TMEM38B: variants seen among roughly 807,000 people sequenced by gnomAD.
The protein encoded by TMEM38B is trimeric intracellular cation channel type B.
In TMEM38B, 24 loss-of-function variants were observed where a neutral mutation model predicts 28.7. The ratio of observed to expected loss-of-function variants is 0.84; its 90% confidence interval spans 0.61 to 1.18. The LOEUF is 1.18. Among genes scored for constraint, TMEM38B ranks in the 50% most tolerant of loss-of-function variants. The pLI is 0.00. For synonymous variants in TMEM38B, 131 were observed against 127.7 expected (o/e 1.03, Z -0.17); for missense variants, 380 against 350.9 (o/e 1.08, Z -0.66).
intron 1 of TMEM38B, among the ~76,000 whole-genome samples, chr9:105,699,346 A>G (rs527502948): frequency 1.6e-4 from 24 of 152,310 alleles, no homozygotes; most frequent in South Asian, 1.4e-3. Context: ...TCTAGAACTC[A>G]CACCTACAGT....
intron 2 of TMEM38B, among the ~76,000 whole-genome samples, chr9:105,707,136 C>A (rs1353830615): frequency 6.6e-6 from 1 of 152,014 alleles, no homozygotes; most frequent in Admixed American, 6.6e-5. Flanking sequence ...AGTATTTGGC[C>A]CTAGAGTTTA....
chr9:105,732,144 C>G (rs973511441), intron 4 of TMEM38B, among the ~76,000 whole-genome samples: 1 of 152,064 alleles, frequency 6.6e-6, no homozygotes, highest in East Asian at 1.9e-4. Context: ...ACCCACTTTT[C>G]GATGGGGTTG....
intron 5 of TMEM38B, among the ~76,000 whole-genome samples, chr9:105,756,034 C>CA (rs560036785): frequency 1.5e-3 from 235 of 152,164 alleles, no homozygotes; most frequent in African/African-American, 5.3e-3. Context: ...AGTTCAAGAC[C>CA]AGTCTGGCCA....
chr9:105,703,978 A>G (rs1417293434), intron 1 of TMEM38B, among the ~76,000 whole-genome samples: 1 of 151,982 alleles, frequency 6.6e-6, no homozygotes, highest in East Asian at 1.9e-4. Context: ...AAACTATCGC[A>G]AGAACAAAAA....
chr9:105,711,657 G>T (rs1835907804), intron 2 of TMEM38B, among the ~76,000 whole-genome samples: 1 of 151,342 alleles, frequency 6.6e-6, no homozygotes, highest in African/African-American at 2.4e-5. Flanking sequence ...GTAAAACCTG[G>T]TCTCTACCAA....
intron 5 of TMEM38B, among the ~76,000 whole-genome samples, chr9:105,755,010 C>A (rs1478738925): frequency 2.0e-5 from 3 of 152,114 alleles, no homozygotes; most frequent in African/African-American, 7.2e-5. Flanking sequence ...ACTAGAAACA[C>A]CTCTATGCAA....
chr9:105,748,134 G>C lies in TMEM38B; in HGVS notation c.604G>C (p.Ala202Pro). 6.2e-7 allele frequency: 1 copy of C among 1,613,486 alleles called. No individual in the cohort carries two copies. The highest frequency in any genetic ancestry group is 8.5e-7 in the Non-Finnish European group (1 of 1,179,652). The change falls in exon 5 of 6, where the codon GCA becomes CCA. Residue 202 changes from alanine to proline, a missense_variant. Ala to Pro is a conservative substitution (Grantham distance 27). Transcript: ENST00000374692. The part of the protein sequence containing the change: ...IFTFQHTQHL[A>P]ISKHNLMFLY... ...CACATTCCAGCACACCCAGCATCTG[G>C]CAATATCAAAGCATAATCTTATGTT...
At chr9:105,753,306 A>G (rs1300177329) in intron 5 of TMEM38B, among the ~76,000 whole-genome samples, 1 of 152,172 alleles carries the variant, frequency 6.6e-6, no homozygotes, top group Admixed American at 6.5e-5. Flanking sequence ...AAGTTCAGGA[A>G]ATCCAGGGAA....
intron 5 of TMEM38B, chr9:105,749,225 G>A: frequency 3.1e-6 from 2 of 655,476 alleles, no homozygotes; most frequent in Non-Finnish European, 4.4e-6. Flanking sequence ...TCCATACTGT[G>A]TTAGTCTGTT....
chr9:105,757,756 C>G (rs938961041), intron 5 of TMEM38B, among the ~76,000 whole-genome samples: 1 of 151,972 alleles, frequency 6.6e-6, no homozygotes, highest in South Asian at 2.1e-4. Flanking sequence ...ACTTGGTGAC[C>G]TTAGTAAAAG....
Position 105,760,280 on chromosome 9 carries a change from T to C in TMEM38B, c.660+12090T>C, listed in dbSNP as rs2133637971. ...ATACATACCTTTTCTCGATGTGTGC[T>C]ATGCTGTGCTGAAAAAGTGGATCTT... On this transcript the variant is annotated intron_variant, in intron 5 of 5. Coordinates refer to ENST00000374692, the MANE Select transcript of TMEM38B (RefSeq NM_018112.3). The C allele has an allele frequency of 3.8e-6, 3 of 785,676 alleles. No homozygotes were observed. In the South Asian group the frequency reaches 4.1e-5, roughly 11 times the overall value. 48.7% of individuals were successfully genotyped at this position (785,676 alleles called of 1,614,324 possible). A position where few individuals can be genotyped will look rare whatever the true frequency, so the allele number is the denominator to read the frequency against.
chr9:105,708,039 A>T (rs936388539), intron 2 of TMEM38B, among the ~76,000 whole-genome samples: 4 of 152,240 alleles, frequency 2.6e-5, no homozygotes, highest in South Asian at 2.1e-4. Context: ...TTCCTATAAT[A>T]CTAACCTCCT....
Position 105,694,553 on chromosome 9 carries a change from G to T in TMEM38B, c.-108G>T, listed in dbSNP as rs549658848. 1.1e-5 allele frequency: 8 copies of T among 724,446 alleles called. No homozygotes were observed. Among genetic ancestry groups the T allele is most frequent in the African/African-American group, 3.8e-5 (2 of 52,678 alleles). 44.9% of individuals were successfully genotyped at this position (724,446 alleles called of 1,614,324 possible). A position where few individuals can be genotyped will look rare whatever the true frequency, so the allele number is the denominator to read the frequency against. ...AGGGCGCACGCGCGGAGCTGGAGCC[G>T]GCGCGGAGGAGCGGGCGGCCGCGGC... is the stretch of plus-strand genomic sequence containing the variant. On this transcript the variant is annotated 5_prime_UTR_variant, in exon 1 of 6. Coordinates refer to ENST00000374692, the MANE Select transcript of TMEM38B (RefSeq NM_018112.3).
At chr9:105,771,237 T>G (rs1217337151) in intron 5 of TMEM38B, among the ~76,000 whole-genome samples, 1 of 152,198 alleles carries the variant, frequency 6.6e-6, no homozygotes, top group Non-Finnish European at 1.5e-5. Flanking sequence ...AGTTTTATAT[T>G]TTATTTGTAA....
intron 4 of TMEM38B, among the ~76,000 whole-genome samples, chr9:105,724,455 TCTA>T (rs1365823393): frequency 2.0e-5 from 3 of 151,960 alleles, no homozygotes; most frequent in Admixed American, 6.6e-5. Context: ...AAACCCCGTC[TCTA>T]CTAAAAATAC....
intron 4 of TMEM38B, among the ~76,000 whole-genome samples, chr9:105,733,425 T>TC (rs1554778354): frequency 1.3e-5 from 2 of 150,420 alleles, no homozygotes; most frequent in African/African-American, 2.5e-5. Flanking sequence ...TTTTTTCTTT[T>TC]TTTTTTTTTT....
intron 5 of TMEM38B, chr9:105,760,015 A>G: frequency 7.0e-7 from 1 of 1,433,472 alleles, no homozygotes; most frequent in South Asian, 1.2e-5. Flanking sequence ...ACTCTGCAAA[A>G]GTTCAATAGA....
In TMEM38B at chr9:105,764,516, A is replaced by C. The variant is rs185791521; in HGVS notation, c.661-9349A>C. On this transcript the variant is annotated intron_variant, in intron 5 of 5. Transcript: ENST00000374692. ...AAGAGAATGAAATACCTAGGAATCC[A>C]ACTTACAAGGGATGTGAAGGACCTC... Among the ~76,000 whole-genome samples the C allele has an allele frequency of 8.2e-3, 1,244 of 152,310 alleles. 6 individuals carry two copies. Among genetic ancestry groups the C allele is most frequent in the African/African-American group, 8.4e-3 (350 of 41,576 alleles).
chr9:105,748,477 G>A (rs1215944961), intron 5 of TMEM38B, among the ~76,000 whole-genome samples: 4 of 142,422 alleles, frequency 2.8e-5, no homozygotes, highest in Admixed American at 6.9e-5. Context: ...CAGAGACTGC[G>A]AAGATGATAC....
Sources: gnomAD v4.1 joint callset for allele counts (sites outside exome capture counted in the v4.1 genomes callset) on GRCh38, gnomAD v4.1.1 for gene constraint, MANE v1.5 for transcripts, NCBI Gene and HGNC (gene_info 2026-07-23, HGNC 2026-07-21) for gene names.